The following CREM variants were observed in gnomAD, a reference collection of about 807,000 sequenced individuals.
The protein encoded by CREM is cAMP responsive element modulator.
Under a neutral mutation model 37.3 loss-of-function variants are expected in CREM, and 13 were observed. That is an observed-to-expected ratio of 0.35 (90% CI 0.23 to 0.55). The LOEUF (loss-of-function observed/expected upper bound fraction) is 0.55. Ranked by LOEUF, CREM falls within the 20% of genes least tolerant of loss-of-function variation. The pLI, the probability that CREM is intolerant of heterozygous loss-of-function variation, is 0.88. For missense variants in CREM, 296 were observed against 362.3 expected (o/e 0.82, Z 1.49); for synonymous variants, 124 against 120.2 (o/e 1.03, Z -0.21).
At chr10:35,175,674 G>T in intron 3 of CREM, 2 of 1,613,934 alleles carry the variant, frequency 1.2e-6, no homozygotes, top group South Asian at 2.2e-5. Flanking sequence ...ATCAGAAAAT[G>T]ACTGTTCCAG....
chr10:35,211,407 G>T lies in CREM; in HGVS notation c.*9G>T. 1 of 1,611,284 alleles carries T rather than the reference G, an allele frequency of 6.2e-7. No homozygotes were observed. The highest frequency in any genetic ancestry group is 1.1e-5 in the South Asian group (1 of 90,656). ...GCCATAAAGTAGAGTAACTGTCTTT[G>T]ACTTGGACCTTGTTTACTCTAATCA... is the stretch of plus-strand genomic sequence containing the variant. On this transcript the variant is annotated 3_prime_UTR_variant, in exon 8 of 8. Transcript: ENST00000685392.
intron 2 of CREM, among the ~76,000 whole-genome samples, chr10:35,141,357 A>C (rs1213392): frequency 6.6e-6 from 1 of 152,038 alleles, no homozygotes; most frequent in Non-Finnish European, 1.5e-5. Context: ...TTTTAGAAAC[A>C]TAACTATTGG....
chr10:35,137,968 A>G (rs1367022614), intron 2 of CREM, 89 bp downstream of exon 2: 4 of 926,636 alleles, frequency 4.3e-6, no homozygotes, highest in African/African-American at 1.7e-5. Context: ...ATGTACACAT[A>G]CATGTATGTA....
At chr10:35,171,775 G>A (rs2093832742) in intron 3 of CREM, among the ~76,000 whole-genome samples, 1 of 152,194 alleles carries the variant, frequency 6.6e-6, no homozygotes. Flanking sequence ...TTGGAAAAAA[G>A]AGTAAAACAT....
chr10:35,185,353 C>T (rs1357145580), intron 5 of CREM, among the ~76,000 whole-genome samples: 2 of 152,050 alleles, frequency 1.3e-5, no homozygotes, highest in Non-Finnish European at 2.9e-5. Context: ...ATCCACCAAC[C>T]TCGGCCTCCC....
chr10:35,161,692 A>G (rs1431884046), intron 3 of CREM, among the ~76,000 whole-genome samples: 1 of 152,004 alleles, frequency 6.6e-6, no homozygotes, highest in Non-Finnish European at 1.5e-5. Flanking sequence ...ATCATTAATC[A>G]TCAGGGAATT....
intron 3 of CREM, among the ~76,000 whole-genome samples, chr10:35,176,409 C>CT (rs773627501): frequency 0.025 from 3,290 of 133,052 alleles, 56 homozygotes; most frequent in Non-Finnish European, 0.031. Context: ...TTTTTTTCTT[C>CT]TTTTTTTTTT....
intron 6 of CREM, among the ~76,000 whole-genome samples, chr10:35,192,488 A>G (rs1266305721): frequency 2.0e-5 from 3 of 152,132 alleles, no homozygotes; most frequent in Non-Finnish European, 4.4e-5. Context: ...AGCTGGGATT[A>G]CAGGCATGTA....
rs2090644836 is a variant in CREM, at chr10:35,137,047, C to G, written c.-54-735C>G. Among the ~76,000 whole-genome samples the G allele has an allele frequency of 2.6e-5, 4 of 152,276 alleles. No homozygotes were observed. In the South Asian group the frequency reaches 8.3e-4, roughly 32 times the overall value. Reference sequence around the variant, plus strand: ...AAGGCTTGTCTCAAACTCCTGGATTCAAGCAAACCTGCTACCTCAGCCTCC... The same window carrying G: ...AAGGCTTGTCTCAAACTCCTGGATTGAAGCAAACCTGCTACCTCAGCCTCC... On this transcript the variant is annotated intron_variant, in intron 1 of 7. Coordinates refer to ENST00000685392, the MANE Select transcript of CREM (RefSeq NM_183011.2).
At chr10:35,189,612 T>C (rs1042476782) in intron 6 of CREM, among the ~76,000 whole-genome samples, 1 of 151,896 alleles carries the variant, frequency 6.6e-6, no homozygotes, top group Non-Finnish European at 1.5e-5. Flanking sequence ...GCCTCCCAGG[T>C]TCAAGCAATT....
chr10:35,185,962 T>C (rs926209716), intron 5 of CREM, among the ~76,000 whole-genome samples: 1 of 152,238 alleles, frequency 6.6e-6, no homozygotes, highest in Admixed American at 6.5e-5. Context: ...CTCATAGGTT[T>C]GTCCTATCAG....
chr10:35,132,259 A>C (rs999306807), intron 1 of CREM, among the ~76,000 whole-genome samples: 1 of 148,350 alleles, frequency 6.7e-6, no homozygotes, highest in Non-Finnish European at 1.5e-5. Flanking sequence ...GTGGCGGGGG[A>C]GGGAGGTGTT....
Position 35,177,568 on chromosome 10 carries a change from G to C in CREM, c.169-1321G>C, listed in dbSNP as rs377328096. 4.6e-5 allele frequency among the ~76,000 whole-genome samples: 7 copies of C among 152,216 alleles called. No individual in the cohort carries two copies. The East Asian group carries it at 7.7e-4, about 17-fold the overall frequency. The stretch of plus-strand genomic sequence containing the variant: ...CTTGCCTCAGTCTTTCAAAGTGCTG[G>C]GATTACAGATGTGAGCCACAGCACC... On this transcript the variant is annotated intron_variant, in intron 3 of 7. Coordinates refer to ENST00000685392, the MANE Select transcript of CREM (RefSeq NM_183011.2).
rs755346866 is a variant in CREM at position 35,147,041 on chromosome 10, G to GTTTTTTT, written c.45-1306_45-1300dup. Reference sequence around the variant, plus strand: ...GGAGTAGTTTCTATAAGTTTTTTGGGTTTTTTTTTTTTTTTTTTTTTTTTT... The same window carrying GTTTTTTT: ...GGAGTAGTTTCTATAAGTTTTTTGGGTTTTTTTTTTTTTTTTTTTTTTTTTTTTTTTT... On this transcript the variant is annotated intron_variant, in intron 2 of 7. Coordinates refer to ENST00000685392, the MANE Select transcript of CREM (RefSeq NM_183011.2). Among the ~76,000 whole-genome samples, 4 of 121,006 alleles carry GTTTTTTT rather than the reference G, an allele frequency of 3.3e-5. No homozygotes were observed. The East Asian group carries it at 8.1e-4, about 25-fold the overall frequency. The allele number at this position is 121,006 out of a possible 152,430, so 79.4% of individuals were successfully genotyped here.
rs113909710 is a variant in CREM, at chr10:35,194,901, C to CATTATT, written c.598+6535_598+6540dup. Among the ~76,000 whole-genome samples, 1,199 of 149,690 alleles carry CATTATT rather than the reference C, an allele frequency of 8.0e-3. 9 individuals are homozygous for CATTATT. The highest frequency in any genetic ancestry group is 0.032 in the South Asian group (153 of 4,710). Reference sequence around the variant, plus strand: ...ATGTAACTTTTAATGCTAAAAGAGACATTATTATTATTATTATTATTATTA... The same window carrying CATTATT: ...ATGTAACTTTTAATGCTAAAAGAGACATTATTATTATTATTATTATTATTATTATTA... On this transcript the variant is annotated intron_variant, in intron 6 of 7. Coordinates refer to ENST00000685392, the MANE Select transcript of CREM (RefSeq NM_183011.2).
chr10:35,131,876 C>T (rs773007389), intron 1 of CREM, among the ~76,000 whole-genome samples: 1 of 152,128 alleles, frequency 6.6e-6, no homozygotes, highest in Non-Finnish European at 1.5e-5. Context: ...AACAACCTTA[C>T]AGTGATTCTA....
chr10:35,210,937 T>C (rs934275552), intron 7 of CREM, among the ~76,000 whole-genome samples: 1 of 152,220 alleles, frequency 6.6e-6, no homozygotes, highest in Non-Finnish European at 1.5e-5. Flanking sequence ...TAAATGTGTT[T>C]GTAGAAATTC....
chr10:35,202,648 A>G (rs758785662), intron 6 of CREM, among the ~76,000 whole-genome samples: 2 of 152,224 alleles, frequency 1.3e-5, no homozygotes, highest in Admixed American at 6.5e-5. Flanking sequence ...GTATACCACC[A>G]TATAGATCCT....
intron 2 of CREM, among the ~76,000 whole-genome samples, chr10:35,147,054 T>G (rs973287063): frequency 6.9e-6 from 1 of 144,728 alleles, no homozygotes; most frequent in Non-Finnish European, 1.5e-5. Context: ...TTTTTTTTTT[T>G]TTTTTTTTTT....
Sources: gnomAD v4.1 joint callset for allele counts (sites outside exome capture counted in the v4.1 genomes callset) on GRCh38, gnomAD v4.1.1 for gene constraint, MANE v1.5 for transcripts, NCBI Gene and HGNC (gene_info 2026-07-23, HGNC 2026-07-21) for gene names.